Variants in ROCK1 observed in about 807,000 individuals in gnomAD.
The protein encoded by ROCK1 is rho-associated protein kinase 1.
Under a neutral mutation model 196.8 loss-of-function variants are expected in ROCK1, and 36 were observed. The observed-to-expected ratio is 0.18, with a 90% CI of 0.14 to 0.24. The LOEUF (loss-of-function observed/expected upper bound fraction) is 0.24. Among genes scored for constraint, ROCK1 ranks in the 10% least tolerant of loss-of-function variants. The pLI, the probability that ROCK1 is intolerant of heterozygous loss-of-function variation, is 1.00. For synonymous variants in ROCK1, 443 were observed against 515.9 expected, an observed-to-expected ratio of 0.86 and a Z score of 1.91; for missense variants, 920 against 1,562.0, an observed-to-expected ratio of 0.59 and a Z score of 6.93.
At chr18:21,009,154 T>C (rs1598526338) in intron 13 of ROCK1, among the ~76,000 whole-genome samples, 1 of 151,726 alleles carries the variant, frequency 6.6e-6, no homozygotes, top group Non-Finnish European at 1.5e-5. Flanking sequence ...ATATATGACT[T>C]TTTGAGACAG....
chr18:21,025,573 A>G (rs1284965144), intron 10 of ROCK1, among the ~76,000 whole-genome samples: 1 of 152,010 alleles, frequency 6.6e-6, no homozygotes, highest in African/African-American at 2.4e-5. Flanking sequence ...CCCATCTCTA[A>G]TAAAAATACA....
chr18:21,008,167 T>C lies in ROCK1; in HGVS notation c.1438A>G (p.Thr480Ala), dbSNP rs768863004. 7.6e-6 allele frequency: 12 copies of C among 1,584,392 alleles called. No individual in the cohort carries two copies. The South Asian group carries it at 1.3e-4, about 17-fold the overall frequency. ...EGNQRRNLES[T>A]VSQIEKEKML... is the part of the protein sequence containing the mutation. ...TTCTCCTTCTCAATCTGAGACACTG[T>C]AGATTCTAGATTTCTTCTTTGATTT... Residue 480 changes from threonine (T) to alanine (A), a missense_variant, in exon 14 of 33, where the codon ACA (threonine) becomes GCA (alanine). Transcript: ENST00000399799.
At chr18:20,964,061 C>A (rs115821590) in intron 27 of ROCK1, among the ~76,000 whole-genome samples, 3 of 151,956 alleles carry the variant, frequency 2.0e-5, no homozygotes, top group African/African-American at 4.8e-5. Context: ...AAATTATAAT[C>A]TTTATACTGA....
chr18:20,959,204 CATATA>C (rs1396710986), intron 29 of ROCK1, among the ~76,000 whole-genome samples: 1 of 61,996 alleles, frequency 1.6e-5, no homozygotes, highest in African/African-American at 6.7e-5. Flanking sequence ...ATATATAATA[CATATA>C]ATATATATAT....
At chr18:21,071,391 G>A (rs973737468) in intron 1 of ROCK1, among the ~76,000 whole-genome samples, 2 of 151,998 alleles carry the variant, frequency 1.3e-5, no homozygotes, top group African/African-American at 4.8e-5. Flanking sequence ...GCCCAGGCTG[G>A]TCTTGAACTC....
At chr18:21,030,743 T>C (rs1417790379) in intron 9 of ROCK1, among the ~76,000 whole-genome samples, 1 of 152,216 alleles carries the variant, frequency 6.6e-6, no homozygotes, top group Non-Finnish European at 1.5e-5. Flanking sequence ...AACATCAGTA[T>C]ATATTTGTTT....
chr18:20,958,842 C>A (rs1451904533), intron 29 of ROCK1, among the ~76,000 whole-genome samples: 19 of 131,422 alleles, frequency 1.4e-4, no homozygotes, highest in African/African-American at 3.1e-4. Context: ...AAAGAAATTT[C>A]TATTATTAAT....
chr18:21,105,385 A>G (rs184886235), intron 1 of ROCK1, among the ~76,000 whole-genome samples: 17 of 152,324 alleles, frequency 1.1e-4, no homozygotes, highest in Non-Finnish European at 2.2e-4. Flanking sequence ...CAGATATGCA[A>G]TTGATACTAA....
intron 13 of ROCK1, among the ~76,000 whole-genome samples, chr18:21,011,182 T>C (rs2035814008): frequency 6.6e-6 from 1 of 152,180 alleles, no homozygotes; most frequent in Non-Finnish European, 1.5e-5. Flanking sequence ...TGGTAGTATG[T>C]TAGGGTTAAG....
At chr18:21,078,997 T>C (rs890917253) in intron 1 of ROCK1, among the ~76,000 whole-genome samples, 2 of 152,154 alleles carry the variant, frequency 1.3e-5, no homozygotes, top group African/African-American at 2.4e-5. Flanking sequence ...AATTGGGGTA[T>C]AGAGAAGTGT....
chr18:20,959,991 G>A (rs2035311301), intron 28 of ROCK1, 63 bp from the exon 29 acceptor site: 1 of 1,140,380 alleles, frequency 8.8e-7, no homozygotes, highest in African/African-American at 1.5e-5. Context: ...AAAGTGATAA[G>A]CATAATATTT....
intron 22 of ROCK1, among the ~76,000 whole-genome samples, chr18:20,975,951 TTC>T (rs2035476584): frequency 6.6e-6 from 1 of 152,196 alleles, no homozygotes; most frequent in South Asian, 2.1e-4. Context: ...TCTGGAAATA[TTC>T]TCTTACCCCA....
At chr18:21,033,872 A>T (rs1447008384) in intron 9 of ROCK1, among the ~76,000 whole-genome samples, 1 of 138,148 alleles carries the variant, frequency 7.2e-6, no homozygotes, top group Non-Finnish European at 1.5e-5. Flanking sequence ...AAAAAAAAAA[A>T]AAAAAAAAAA....
At chr18:20,958,046 A>T (rs2035263215) in intron 29 of ROCK1, among the ~76,000 whole-genome samples, 1 of 152,192 alleles carries the variant, frequency 6.6e-6, no homozygotes, top group Admixed American at 6.5e-5. Context: ...AGAACACTTA[A>T]GATCTATGAA....
At chr18:20,979,399 G>C (rs2035509418) in intron 22 of ROCK1, among the ~76,000 whole-genome samples, 1 of 152,102 alleles carries the variant, frequency 6.6e-6, no homozygotes, top group Non-Finnish European at 1.5e-5. Flanking sequence ...CAAGGTGGAC[G>C]GAATATGAGG....
Position 21,042,625 on chromosome 18 carries a change from A to C in ROCK1, c.760T>G (p.Tyr254Asp). The C allele has an allele frequency of 6.2e-7, 1 of 1,614,022 alleles. No homozygotes were observed. The change falls in exon 7 of 33, where the codon TAT (tyrosine) becomes GAT (aspartate). Residue 254 changes from tyrosine to aspartate, a missense_variant. Coordinates refer to ENST00000399799, the MANE Select transcript of ROCK1 (RefSeq NM_005406.3). ...CACCAGTCACATTCTCTTCCATAAT[A>C]ACCATCACCACCTTGGGATTTTAAT... ...EVLKSQGGDG[Y>D]YGRECDWWSV...
At chr18:21,087,876 A>G (rs944071197) in intron 1 of ROCK1, among the ~76,000 whole-genome samples, 1 of 152,228 alleles carries the variant, frequency 6.6e-6, no homozygotes, top group Non-Finnish European at 1.5e-5. Flanking sequence ...ACAAGTGCTC[A>G]TGGAACTATT....
chr18:20,971,173 C>T (rs2035422391), intron 22 of ROCK1, among the ~76,000 whole-genome samples: 1 of 152,094 alleles, frequency 6.6e-6, no homozygotes, highest in African/African-American at 2.4e-5. Context: ...TTAGTCACTA[C>T]TGTATTCCCT....
chr18:21,004,277 A>C (rs2035750653), intron 16 of ROCK1, among the ~76,000 whole-genome samples: 1 of 152,226 alleles, frequency 6.6e-6, no homozygotes, highest in African/African-American at 2.4e-5. Context: ...TCAATTAATG[A>C]ATAACAATCA....
Sources: allele counts gnomAD v4.1 joint callset (sites outside exome capture counted in the v4.1 genomes callset), GRCh38; gene constraint gnomAD v4.1.1; transcripts MANE v1.5; gene names NCBI Gene and HGNC (gene_info 2026-07-23, HGNC 2026-07-21).